CTPS1: variants seen among roughly 807,000 people sequenced by gnomAD.
CTPS1 encodes the protein CTP synthetase 1.
A neutral mutation model predicts 80.5 loss-of-function variants in CTPS1; 25 were observed. The observed-to-expected ratio is 0.31, with a 90% CI of 0.23 to 0.43. The LOEUF (loss-of-function observed/expected upper bound fraction) is 0.43. Among genes scored for constraint, CTPS1 ranks in the 20% least tolerant of loss-of-function variants. CTPS1 has a pLI of 1.00. For synonymous variants in CTPS1, 267 were observed against 252.5 expected (o/e 1.06, Z -0.54); for missense variants, 442 against 725.7 (o/e 0.61, Z 4.49).
Position 41,007,382 on chromosome 1 carries a change from C to T in CTPS1, c.1297-67C>T, listed in dbSNP as rs890992990. On this transcript the variant is annotated intron_variant, in intron 13 of 18. Transcript: ENST00000650070. The surrounding 1 kb of genome is among the most constrained non-coding windows in gnomAD (Gnocchi z 4.4). ...TTACAAGCCTTTGCCACCCACTCAG[C>T]GAGGGAGGTTTCTCTCTAGCGGAAG... 27 of 1,365,644 alleles carry T rather than the reference C, an allele frequency of 2.0e-5. No individual in the cohort carries two copies. Among genetic ancestry groups the T allele is most frequent in the Admixed American group, 5.2e-5 (3 of 58,218 alleles). 84.6% of individuals were successfully genotyped at this position (1,365,644 alleles called of 1,614,324 possible).
intron 8 of CTPS1, among the ~76,000 whole-genome samples, chr1:40,996,605 G>A (rs1311353513): frequency 6.6e-6 from 1 of 152,184 alleles, no homozygotes; most frequent in East Asian, 1.9e-4. Context: ...CAATGGGCAG[G>A]CCTTATCTTA....
chr1:40,980,280 C>T (rs1478971184), intron 1 of CTPS1: 4 of 151,964 alleles, frequency 2.6e-5, no homozygotes, highest in African/African-American at 9.7e-5. Flanking sequence ...GTGCGGGCCT[C>T]GGGCCTCCGG....
At chr1:41,002,026 T>C in intron 10 of CTPS1, 134 bp from the exon 11 acceptor site, 3 of 768,122 alleles carry the variant, frequency 3.9e-6, no homozygotes, top group South Asian at 3.1e-5. Context: ...TTACATACAA[T>C]TCATTGTCAC....
intron 7 of CTPS1, among the ~76,000 whole-genome samples, chr1:40,992,749 G>A (rs1642646247): frequency 6.7e-6 from 1 of 149,138 alleles, no homozygotes; most frequent in Non-Finnish European, 1.5e-5. Context: ...GGAGTGCAGT[G>A]GCGCGATCTT....
chr1:40,997,306 G>T (rs763327775), intron 8 of CTPS1, 88 bp from the exon 9 acceptor site: 102 of 1,491,930 alleles, frequency 6.8e-5, no homozygotes, highest in Non-Finnish European at 7.8e-5. Context: ...GCCAGACGTG[G>T]TTTTTTTTCC....
rs1642789123 is a variant in CTPS1 at position 40,997,599 on chromosome 1, A to G, written c.1005+73A>G. 14 of 1,501,646 alleles carry G rather than the reference A, an allele frequency of 9.3e-6. No individual in the cohort carries two copies. In the South Asian group the frequency reaches 1.1e-4, roughly 12 times the overall value. 93.0% of individuals were successfully genotyped at this position (1,501,646 alleles called of 1,614,324 possible). A position where few individuals can be genotyped will look rare whatever the true frequency, so the allele number is the denominator to read the frequency against. On this transcript the variant is annotated intron_variant, in intron 9 of 18. Transcript: ENST00000650070. Reference sequence around the variant, plus strand: ...TCTGTAGTCTCGTAGGTGCTGTGTCATATCTGCTTTCTGTTTGGAGCTCAG... The same window carrying G: ...TCTGTAGTCTCGTAGGTGCTGTGTCGTATCTGCTTTCTGTTTGGAGCTCAG...
At position 41,002,149 on chromosome 1, in the gene CTPS1, C is replaced by T. The variant is rs1027765006; in HGVS notation, c.1095-11C>T. On this transcript the variant is annotated splice_polypyrimidine_tract_variant and intron_variant, in intron 10 of 18. Transcript: ENST00000650070. The stretch of plus-strand genomic sequence containing the variant: ...AGGGGAATTGCCTTTGTGGTTTGTT[C>T]TTTTGTGCAGTGGAGTGCTGGTTCC... The T allele has an allele frequency of 9.3e-6, 15 of 1,613,456 alleles. No individual in the cohort carries two copies. In the African/African-American group the frequency reaches 1.9e-4, roughly 20 times the overall value.
At chr1:40,996,362 G>C (rs1035249022) in intron 8 of CTPS1, among the ~76,000 whole-genome samples, 6 of 152,162 alleles carry the variant, frequency 3.9e-5, no homozygotes, top group Non-Finnish European at 1.5e-5. Flanking sequence ...TGGGCGTCCT[G>C]GTGGCAGCGG....
At chr1:40,991,085 G>A in intron 5 of CTPS1, 80 bp from the exon 6 acceptor site, 1 of 965,788 alleles carries the variant, frequency 1.0e-6, no homozygotes, top group African/African-American at 1.7e-5. Flanking sequence ...CTTATTAAAA[G>A]AGGTTCAAGG....
intron 3 of CTPS1, among the ~76,000 whole-genome samples, chr1:40,985,819 A>G (rs1269868449): frequency 6.6e-6 from 1 of 152,172 alleles, no homozygotes; most frequent in East Asian, 1.9e-4. Context: ...AACATGGGCA[A>G]ATTAACCTCT....
intron 6 of CTPS1, 54 bp downstream of exon 6, chr1:40,991,302 C>G: frequency 7.5e-7 from 1 of 1,339,606 alleles, no homozygotes; most frequent in East Asian, 2.3e-5. Context: ...TAGTTAAGAT[C>G]ACTCTATCAT....
chr1:40,983,743 C>T (rs987033229), intron 2 of CTPS1, among the ~76,000 whole-genome samples: 2 of 152,048 alleles, frequency 1.3e-5, no homozygotes, highest in African/African-American at 4.8e-5. Flanking sequence ...TCACCTCAGC[C>T]TCCTGAGTAG....
In CTPS1 at chr1:41,008,748, A is replaced by G. The variant is rs778702086; in HGVS notation, c.1449+34A>G. ...TCCAGCTTGCTGGTACTCTGGAAAG[A>G]TAGTGAGCTGAGAGACCAGCAGAAT... On this transcript the variant is annotated intron_variant, in intron 15 of 18. Coordinates refer to ENST00000650070, the MANE Select transcript of CTPS1 (RefSeq NM_001905.4). 11 of 1,613,848 alleles carry G rather than the reference A, an allele frequency of 6.8e-6. No homozygotes were observed. In the East Asian group the frequency reaches 2.0e-4, roughly 29 times the overall value.
chr1:40,991,415 C>T (rs1642608278), intron 6 of CTPS1, among the ~76,000 whole-genome samples, 167 bp downstream of exon 6: 3 of 152,148 alleles, frequency 2.0e-5, no homozygotes, highest in Admixed American at 1.3e-4. Context: ...GATGTTCATA[C>T]TTAGAGCGTG....
intron 5 of CTPS1, 108 bp downstream of exon 5, chr1:40,988,818 G>T: frequency 1.4e-6 from 1 of 719,952 alleles, no homozygotes; most frequent in Non-Finnish European, 2.4e-6. Flanking sequence ...TTGAGGTGCA[G>T]GAAGCAGAGA....
In CTPS1 at chr1:40,987,473, G is replaced by A. The variant is rs2148392127; in HGVS notation, c.438+1G>A. The A allele has an allele frequency of 6.2e-7, 1 of 1,600,318 alleles. No homozygotes were observed. The highest frequency in any genetic ancestry group is 1.7e-5 in the Admixed American group (1 of 59,896). On this transcript the variant is annotated splice_donor_variant, in intron 4 of 18. Transcript: ENST00000650070. LOFTEE classifies it high-confidence loss of function. ...GGAACCTCAAGTGTGTGTTATTGAG[G>A]TTTGTATGATTCCTGCACATGTGAA...
intron 13 of CTPS1, among the ~76,000 whole-genome samples, chr1:41,006,859 A>G (rs142161973): frequency 6.6e-6 from 1 of 152,332 alleles, no homozygotes; most frequent in Admixed American, 6.5e-5. Flanking sequence ...TTGACCTGAA[A>G]TTGAACTTTG....
rs1321657109 is a variant in CTPS1 at position 40,979,709 on chromosome 1, C to G, written c.-134C>G. 1 of 152,422 alleles carries G rather than the reference C, an allele frequency of 6.6e-6. No homozygotes were observed. Among genetic ancestry groups the G allele is most frequent in the Non-Finnish European group, 1.5e-5 (1 of 68,220 alleles). 9.4% of individuals were successfully genotyped at this position (152,422 alleles called of 1,614,324 possible). ...ACCTCTGCGTGCGCACAGCCTAGAG[C>G]CCGCCTCCGTGAAAGACTGCCGGGC... On this transcript the variant is annotated 5_prime_UTR_variant, in exon 1 of 19. Coordinates refer to ENST00000650070, the MANE Select transcript of CTPS1 (RefSeq NM_001905.4).
chr1:41,006,481 A>G (rs3922676), intron 13 of CTPS1, among the ~76,000 whole-genome samples: 8,642 of 152,182 alleles, frequency 0.057, 284 homozygotes, highest in Non-Finnish European at 0.069. Context: ...TTTTATATTA[A>G]TTCATGGGAT....
Sources: allele counts gnomAD v4.1 joint callset (sites outside exome capture counted in the v4.1 genomes callset), GRCh38; gene constraint gnomAD v4.1.1; non-coding constraint Gnocchi (gnomAD v3.1); transcripts MANE v1.5; gene names NCBI Gene and HGNC (gene_info 2026-07-23, HGNC 2026-07-21).